SDK2: variants seen among roughly 807,000 people sequenced by gnomAD.
SDK2 encodes protein sidekick-2.
In SDK2, 105 loss-of-function variants were observed where a neutral mutation model predicts 253.9. The observed-to-expected ratio is 0.41, with a 90% CI of 0.35 to 0.49. The LOEUF (loss-of-function observed/expected upper bound fraction) is 0.49, where lower values mean the gene tolerates loss of function less well. Among genes scored for constraint, SDK2 ranks in the 20% least tolerant of loss-of-function variants. The pLI is 0.06. For synonymous variants in SDK2, 1,249 were observed against 1,234.9 expected (o/e 1.01, Z -0.24); for missense variants, 2,608 against 3,003.0 (o/e 0.87, Z 3.07).
chr17:73,425,829 G>T (rs2063277130), intron 12 of SDK2, among the ~76,000 whole-genome samples: 1 of 151,490 alleles, frequency 6.6e-6, no homozygotes, highest in Non-Finnish European at 1.5e-5. Context: ...ATTTAACCTT[G>T]CTAGGCCTCA....
In SDK2 at chr17:73,447,859, G is replaced by T; in HGVS notation, c.480-111C>A. ...GCCCGACCATATCTCCCAGTCCCCAGCCTCCCAGGGCCCCTCCTGCCACCC... is the reference window on the plus strand; with the variant it reads ...GCCCGACCATATCTCCCAGTCCCCATCCTCCCAGGGCCCCTCCTGCCACCC... On this transcript the variant is annotated intron_variant, in intron 4 of 44. Transcript: ENST00000392650. The surrounding 1 kb of genome is among the most constrained non-coding windows in gnomAD (Gnocchi z 4.0). 7.9e-7 allele frequency: 1 copy of T among 1,261,872 alleles called. No individual in the cohort carries two copies. The highest frequency in any genetic ancestry group is 1.1e-6 in the Non-Finnish European group (1 of 907,944). 78.2% of individuals were successfully genotyped at this position (1,261,872 alleles called of 1,614,324 possible).
At chr17:73,389,964 G>T (rs956302367) in intron 29 of SDK2, among the ~76,000 whole-genome samples, 21 of 152,138 alleles carry the variant, frequency 1.4e-4, no homozygotes, top group Admixed American at 1.2e-3. Flanking sequence ...GGCTAGGCTG[G>T]TCTCAAACTC....
At chr17:73,529,194 C>T (rs1410916397) in intron 1 of SDK2, among the ~76,000 whole-genome samples, 1 of 152,178 alleles carries the variant, frequency 6.6e-6, no homozygotes, top group African/African-American at 2.4e-5. Flanking sequence ...GAGCGAAAAG[C>T]ATGCATGAGT....
At chr17:73,632,751 A>G (rs1313717832) in intron 1 of SDK2, among the ~76,000 whole-genome samples, 1 of 152,170 alleles carries the variant, frequency 6.6e-6, no homozygotes, top group Non-Finnish European at 1.5e-5. Flanking sequence ...AGCACAGAAA[A>G]TTTTAAACAC....
At chr17:73,473,608 G>GGGCCT (rs2063667120) in intron 2 of SDK2, among the ~76,000 whole-genome samples, 1 of 152,202 alleles carries the variant, frequency 6.6e-6, no homozygotes, top group African/African-American at 2.4e-5. Context: ...GATCTGGCTA[G>GGGCCT]GGCCTGTCAT....
At chr17:73,574,754 C>G (rs1337989029) in intron 1 of SDK2, among the ~76,000 whole-genome samples, 2 of 152,218 alleles carry the variant, frequency 1.3e-5, no homozygotes, top group Non-Finnish European at 2.9e-5. Context: ...TTTCTACCAC[C>G]CTGGCTTATG....
chr17:73,480,465 CA>C (rs2063714416), intron 2 of SDK2, among the ~76,000 whole-genome samples: 1 of 152,188 alleles, frequency 6.6e-6, no homozygotes, highest in Non-Finnish European at 1.5e-5. Flanking sequence ...ATGGCTTGGG[CA>C]GCCCCTTTAG....
Position 73,338,234 on chromosome 17 carries a change from G to T in SDK2, c.*353C>A, listed in dbSNP as rs773071249. On this transcript the variant is annotated 3_prime_UTR_variant, in exon 45 of 45. Coordinates refer to ENST00000392650, the MANE Select transcript of SDK2 (RefSeq NM_001144952.2). The surrounding 1 kb of genome is among the most constrained non-coding windows in gnomAD (Gnocchi z 5.0). ...GCTTTTTCTTCCCTCGGCCACGCCT[G>T]CCTGGCGGCCTCCAGTCCTTAGCCT... 4.8e-6 allele frequency: 2 copies of T among 415,742 alleles called. No homozygotes were observed. The highest frequency in any genetic ancestry group is 3.8e-5 in the South Asian group (2 of 53,170). 25.8% of individuals were successfully genotyped at this position (415,742 alleles called of 1,614,324 possible). A position where few individuals can be genotyped will look rare whatever the true frequency, so the allele number is the denominator to read the frequency against.
chr17:73,436,476 C>T (rs1183127376), intron 8 of SDK2, among the ~76,000 whole-genome samples: 1 of 148,964 alleles, frequency 6.7e-6, no homozygotes, highest in Non-Finnish European at 1.5e-5. Context: ...ACTTGGGAGG[C>T]TGAGGCAGGA....
At position 73,512,197 on chromosome 17, in the gene SDK2, G is replaced by A. The variant is rs191793688; in HGVS notation, c.65-4600C>T. 6.4e-4 allele frequency among the ~76,000 whole-genome samples: 97 copies of A among 152,270 alleles called. 1 individual carries two copies. Among genetic ancestry groups the A allele is most frequent in the Admixed American group, 3.0e-3 (46 of 15,292 alleles). On this transcript the variant is annotated intron_variant, in intron 1 of 44. Coordinates refer to ENST00000392650, the MANE Select transcript of SDK2 (RefSeq NM_001144952.2). Reference sequence around the variant, plus strand: ...ACCTCATTTTCCTTAGCTATAAATTGGAGATGTGTTTGCTTTGAAGATTAA... The same window carrying A: ...ACCTCATTTTCCTTAGCTATAAATTAGAGATGTGTTTGCTTTGAAGATTAA...
At chr17:73,366,137 C>T (rs1321540575) in intron 37 of SDK2, among the ~76,000 whole-genome samples, 1 of 152,288 alleles carries the variant, frequency 6.6e-6, no homozygotes, top group African/African-American at 2.4e-5. Context: ...GGAGCTAATC[C>T]GGACCTGCTT....
At chr17:73,620,194 G>A (rs2046115679) in intron 1 of SDK2, among the ~76,000 whole-genome samples, 1 of 125,846 alleles carries the variant, frequency 7.9e-6, no homozygotes, top group Admixed American at 7.8e-5. Context: ...GTGAGATCCT[G>A]TCTCAAAAAA....
intron 1 of SDK2, among the ~76,000 whole-genome samples, chr17:73,516,102 T>C (rs896476410): frequency 7.2e-5 from 11 of 152,246 alleles, no homozygotes; most frequent in Admixed American, 7.2e-4. Flanking sequence ...TTCTTACGTC[T>C]GAGGCTTCCA....
Position 73,511,187 on chromosome 17 carries a change from G to A in SDK2, c.65-3590C>T, listed in dbSNP as rs1205166725. 6.6e-6 allele frequency among the ~76,000 whole-genome samples: 1 copy of A among 152,184 alleles called. No homozygotes were observed. The highest frequency in any genetic ancestry group is 6.5e-5 in the Admixed American group (1 of 15,284). ...TGAATCGCGCTTTTAAAAACCCTCT[G>A]TTCATTGCTGTCATCACTCGTTTGT... is the stretch of plus-strand genomic sequence containing the variant. On this transcript the variant is annotated intron_variant, in intron 1 of 44. Transcript: ENST00000392650. The surrounding 1 kb of genome is among the most constrained non-coding windows in gnomAD (Gnocchi z 4.9).
At chr17:73,372,930 G>A (rs901683901) in intron 36 of SDK2, among the ~76,000 whole-genome samples, 1 of 151,968 alleles carries the variant, frequency 6.6e-6, no homozygotes, top group African/African-American at 2.4e-5. Context: ...TGTACAATAC[G>A]GTATCATTAA....
At chr17:73,407,067 TGTGA>T (rs1157200739) in intron 18 of SDK2, among the ~76,000 whole-genome samples, 2 of 152,206 alleles carry the variant, frequency 1.3e-5, no homozygotes, top group African/African-American at 4.8e-5. Flanking sequence ...GAATTGAAAG[TGTGA>T]GTATCTATAG....
chr17:73,437,909 T>C, intron 7 of SDK2, 55 bp downstream of exon 7: 1 of 1,591,160 alleles, frequency 6.3e-7, no homozygotes, highest in South Asian at 1.1e-5. Flanking sequence ...AGGAGGACCC[T>C]CGCCGTGCTG....
chr17:73,413,114 C>T (rs750169288), intron 18 of SDK2, among the ~76,000 whole-genome samples: 3 of 152,144 alleles, frequency 2.0e-5, no homozygotes, highest in Non-Finnish European at 2.9e-5. Context: ...GAAAGTGAAG[C>T]TTCATCTGTA....
chr17:73,534,285 C>A lies in SDK2; in HGVS notation c.65-26688G>T, dbSNP rs936311333. ...AGCAGATGCAAGAGCGGGTCCGCTG[C>A]TGGGGGAAGGGGAGTGGCATTAAAT... is the stretch of plus-strand genomic sequence containing the variant. On this transcript the variant is annotated intron_variant, in intron 1 of 44. Transcript: ENST00000392650. The surrounding 1 kb of genome is among the most constrained non-coding windows in gnomAD (Gnocchi z 4.9). Among the ~76,000 whole-genome samples, 2 of 152,182 alleles carry A rather than the reference C, an allele frequency of 1.3e-5. No homozygotes were observed. Among genetic ancestry groups the A allele is most frequent in the African/African-American group, 4.8e-5 (2 of 41,438 alleles).
Sources: gnomAD v4.1 joint callset for allele counts (sites outside exome capture counted in the v4.1 genomes callset) on GRCh38, gnomAD v4.1.1 for gene constraint, Gnocchi (gnomAD v3.1) non-coding constraint, MANE v1.5 for transcripts, NCBI Gene and HGNC (gene_info 2026-07-23, HGNC 2026-07-21) for gene names.